The following ARID5B variants were observed in gnomAD, a reference collection of about 807,000 sequenced individuals.
The protein encoded by ARID5B is AT-rich interactive domain-containing protein 5B.
A neutral mutation model predicts 97.2 loss-of-function variants in ARID5B; 13 were observed. The observed-to-expected ratio is 0.13, with a 90% CI of 0.09 to 0.21. The LOEUF (loss-of-function observed/expected upper bound fraction) is 0.21. ARID5B is among the 10% of genes least tolerant of loss of function. The pLI is 1.00. For synonymous variants in ARID5B, 556 were observed against 570.3 expected (o/e 0.97, Z 0.36); for missense variants, 1,210 against 1,465.3 (o/e 0.83, Z 2.84).
chr10:62,077,656 G>A (rs1589287809), intron 8 of ARID5B, among the ~76,000 whole-genome samples: 1 of 152,120 alleles, frequency 6.6e-6, no homozygotes, highest in East Asian at 1.9e-4. Flanking sequence ...AAACCTTGCA[G>A]GTCCCATGTT....
chr10:62,088,058 G>A (rs1001626943), intron 9 of ARID5B, among the ~76,000 whole-genome samples: 1 of 151,958 alleles, frequency 6.6e-6, no homozygotes, highest in Non-Finnish European at 1.5e-5. Flanking sequence ...GTAGAGACAG[G>A]GTTTCACCAT....
At chr10:62,007,823 A>G (rs541852306) in intron 4 of ARID5B, among the ~76,000 whole-genome samples, 20 of 152,212 alleles carry the variant, frequency 1.3e-4, no homozygotes, top group African/African-American at 3.6e-4. Flanking sequence ...CATGGAATGT[A>G]TATCCCCAGA....
rs147151840 is a variant in ARID5B, at chr10:61,902,621, G to A, written c.276+208G>A. Among the ~76,000 whole-genome samples, 400 of 152,098 alleles carry A rather than the reference G, an allele frequency of 2.6e-3. 1 individual carries two copies. The highest frequency in any genetic ancestry group is 0.014 in the Middle Eastern group (4 of 294). On this transcript the variant is annotated intron_variant, in intron 2 of 9. Transcript: ENST00000279873. The stretch of plus-strand genomic sequence containing the variant: ...TCAGCTTTACAAAGAGGATCCAACT[G>A]CTGATTTTAGTCAAGATCAAATAAC...
chr10:62,063,423 G>C (rs886943756), intron 7 of ARID5B, among the ~76,000 whole-genome samples: 1 of 151,618 alleles, frequency 6.6e-6, no homozygotes, highest in Non-Finnish European at 1.5e-5. Context: ...GTTTTTGTTT[G>C]TGGTTATAAA....
chr10:62,072,005 G>A (rs1305747305), intron 8 of ARID5B, among the ~76,000 whole-genome samples: 1 of 152,232 alleles, frequency 6.6e-6, no homozygotes, highest in Non-Finnish European at 1.5e-5. Context: ...AGGGGTTGGT[G>A]TGAGGCACTA....
chr10:62,040,148 C>T (rs572169716), intron 4 of ARID5B, among the ~76,000 whole-genome samples: 29 of 152,288 alleles, frequency 1.9e-4, no homozygotes, highest in African/African-American at 7.0e-4. Context: ...TTCTCACTCT[C>T]TCTCTCTTTC....
chr10:62,047,604 T>C (rs1003212451), intron 4 of ARID5B, among the ~76,000 whole-genome samples: 3 of 152,130 alleles, frequency 2.0e-5, no homozygotes, highest in Non-Finnish European at 2.9e-5. Flanking sequence ...AGTAAGTACA[T>C]AGCACTGAGC....
At chr10:61,926,338 C>T (rs1844105250) in intron 2 of ARID5B, among the ~76,000 whole-genome samples, 4 of 152,154 alleles carry the variant, frequency 2.6e-5, no homozygotes, top group African/African-American at 4.8e-5. Flanking sequence ...TGACTACTGT[C>T]AAGGTTTAAA....
intron 3 of ARID5B, among the ~76,000 whole-genome samples, chr10:61,962,378 C>A (rs2132823279): frequency 6.6e-6 from 1 of 152,284 alleles, no homozygotes; most frequent in African/African-American, 2.4e-5. Context: ...TTGATAAAAG[C>A]TGAAGCACCA....
intron 3 of ARID5B, among the ~76,000 whole-genome samples, chr10:61,981,140 C>G (rs1838771593): frequency 1.3e-5 from 2 of 152,186 alleles, no homozygotes; most frequent in South Asian, 4.1e-4. Flanking sequence ...GTAAACTTAT[C>G]CCTCATAGGA....
At chr10:61,924,402 C>G (rs746709041) in intron 2 of ARID5B, among the ~76,000 whole-genome samples, 5 of 152,170 alleles carry the variant, frequency 3.3e-5, no homozygotes, top group East Asian at 1.9e-4. Context: ...TTGACTGAAG[C>G]CTGAATCATT....
chr10:61,941,325 C>T (rs915110426), intron 3 of ARID5B, among the ~76,000 whole-genome samples: 2 of 150,956 alleles, frequency 1.3e-5, no homozygotes, highest in Admixed American at 6.6e-5. Context: ...TTTGTATTCC[C>T]GTGTCATTCA....
At chr10:61,984,164 C>T (rs964203443) in intron 3 of ARID5B, among the ~76,000 whole-genome samples, 4 of 152,152 alleles carry the variant, frequency 2.6e-5, no homozygotes, top group Non-Finnish European at 5.9e-5. Flanking sequence ...ATGTGCTTTA[C>T]GTTTTAATTA....
At chr10:61,988,371 T>C (rs1838874970) in intron 3 of ARID5B, among the ~76,000 whole-genome samples, 1 of 152,232 alleles carries the variant, frequency 6.6e-6, no homozygotes, top group Non-Finnish European at 1.5e-5. Flanking sequence ...TGTAGCTGGT[T>C]ACAGCAGAAG....
intron 2 of ARID5B, among the ~76,000 whole-genome samples, chr10:61,923,384 G>A (rs1026234808): frequency 1.3e-5 from 2 of 152,132 alleles, no homozygotes; most frequent in African/African-American, 4.8e-5. Flanking sequence ...TTTTGCATCA[G>A]ATTTTGTTTA....
At chr10:62,001,113 G>A (rs978189767) in intron 4 of ARID5B, among the ~76,000 whole-genome samples, 9 of 152,182 alleles carry the variant, frequency 5.9e-5, no homozygotes, top group Non-Finnish European at 8.8e-5. Flanking sequence ...CAAGATAGTC[G>A]TTCTCTTACA....
chr10:61,988,936 C>CTTTTTTTTTT (rs61016394), intron 3 of ARID5B, among the ~76,000 whole-genome samples: 2 of 122,260 alleles, frequency 1.6e-5, no homozygotes, highest in Admixed American at 9.7e-5. Context: ...TTTTCTTTTA[C>CTTTTTTTTTT]TTTTTTTTTT....
intron 3 of ARID5B, among the ~76,000 whole-genome samples, chr10:61,987,139 T>C (rs1021515481): frequency 1.3e-5 from 2 of 152,180 alleles, no homozygotes; most frequent in African/African-American, 4.8e-5. Context: ...CTTCTCACTC[T>C]TTCCCACATG....
rs567050254 is a variant in ARID5B at position 61,924,268 on chromosome 10, C to T, written c.277-15915C>T. On this transcript the variant is annotated intron_variant, in intron 2 of 9. Transcript: ENST00000279873. ...TGCTTGAGTCTGTCCTTTGTGTTGG[C>T]CTCCACACCACAGTCGTTGAACAGG... Among the ~76,000 whole-genome samples the T allele has an allele frequency of 5.1e-4, 78 of 152,284 alleles. 1 individual carries two copies. The highest frequency in any genetic ancestry group is 4.1e-4 in the South Asian group (2 of 4,828).
Sources: allele counts gnomAD v4.1 joint callset (sites outside exome capture counted in the v4.1 genomes callset), GRCh38; gene constraint gnomAD v4.1.1; transcripts MANE v1.5; gene names NCBI Gene and HGNC (gene_info 2026-07-23, HGNC 2026-07-21).